The following STK24 variants were observed in gnomAD, a reference collection of about 807,000 sequenced individuals.
STK24 encodes serine/threonine kinase 24.
A neutral mutation model predicts 55.6 loss-of-function variants in STK24; 21 were observed. That is an observed-to-expected ratio of 0.38 (90% CI 0.27 to 0.54). The LOEUF is 0.54. Ranked by LOEUF, STK24 falls within the 20% of genes least tolerant of loss-of-function variation. The pLI, the probability that STK24 is intolerant of heterozygous loss-of-function variation, is 0.79. For synonymous variants in STK24, 200 were observed against 215.2 expected (o/e 0.93, Z 0.62); for missense variants, 383 against 538.4 (o/e 0.71, Z 2.86).
intron 3 of STK24, among the ~76,000 whole-genome samples, 199 bp downstream of exon 3, chr13:98,482,066 C>CA (rs34520150): frequency 0.024 from 2,366 of 99,842 alleles, 35 homozygotes; most frequent in African/African-American, 0.058. Flanking sequence ...GACTCTATCT[C>CA]AAAAAAAAAA....
chr13:98,538,575 ATCT>A (rs1349135610), intron 1 of STK24, among the ~76,000 whole-genome samples: 2 of 152,038 alleles, frequency 1.3e-5, no homozygotes, highest in Admixed American at 6.6e-5. Context: ...CCTTCAACTG[ATCT>A]TCTGCTCCAA....
At chr13:98,527,025 T>C (rs1223613543) in intron 1 of STK24, among the ~76,000 whole-genome samples, 1 of 152,226 alleles carries the variant, frequency 6.6e-6, no homozygotes, top group Non-Finnish European at 1.5e-5. Context: ...CAGTGACATA[T>C]ATCGATACAC....
At chr13:98,503,660 G>A (rs1399272809) in intron 2 of STK24, among the ~76,000 whole-genome samples, 1 of 152,204 alleles carries the variant, frequency 6.6e-6, no homozygotes, top group African/African-American at 2.4e-5. Flanking sequence ...GCCACACTAG[G>A]CAGAGCCTTA....
At chr13:98,459,210 C>T (rs751772794) in intron 9 of STK24, among the ~76,000 whole-genome samples, 4 of 152,222 alleles carry the variant, frequency 2.6e-5, no homozygotes, top group Non-Finnish European at 5.9e-5. Flanking sequence ...AAATGAAGCG[C>T]AGGATGGCGC....
intron 8 of STK24, 44 bp from the exon 9 acceptor site, chr13:98,460,484 T>TCA: frequency 6.5e-7 from 1 of 1,549,106 alleles, no homozygotes; most frequent in East Asian, 2.2e-5. Context: ...CAGTTGACGT[T>TCA]CACATTGGCA....
chr13:98,541,454 T>A (rs1396275961), intron 1 of STK24, among the ~76,000 whole-genome samples: 1 of 152,200 alleles, frequency 6.6e-6, no homozygotes, highest in Non-Finnish European at 1.5e-5. Context: ...GTTTTCCTAA[T>A]GGCAGTATTA....
chr13:98,457,493 G>A (rs748945338), intron 9 of STK24, among the ~76,000 whole-genome samples, 189 bp from the exon 10 acceptor site: 32 of 146,684 alleles, frequency 2.2e-4, no homozygotes, highest in Middle Eastern at 7.0e-3. Context: ...TTTGTGAGAC[G>A]GAGTCTGGCT....
Position 98,485,990 on chromosome 13 carries a change from G to A in STK24, c.274-3669C>T, listed in dbSNP as rs147024616. ...CCTTCCCACAGAAATGGGAGGAAGC[G>A]GAAGAGGAGCAGGGACAGGAACACA... is the stretch of plus-strand genomic sequence containing the variant. On this transcript the variant is annotated intron_variant, in intron 2 of 10. Coordinates refer to ENST00000539966, the MANE Select transcript of STK24 (RefSeq NM_001032296.4). Among the ~76,000 whole-genome samples the A allele has an allele frequency of 5.3e-5, 8 of 152,242 alleles. No individual in the cohort carries two copies. In the East Asian group the frequency reaches 1.4e-3, roughly 26 times the overall value.
At chr13:98,483,726 G>A (rs373762524) in intron 2 of STK24, among the ~76,000 whole-genome samples, 3 of 152,182 alleles carry the variant, frequency 2.0e-5, no homozygotes, top group African/African-American at 4.8e-5. Flanking sequence ...AAGTGCTCAG[G>A]GACAGCGCTG....
At position 98,461,692 on chromosome 13, in the gene STK24, C is replaced by G. The variant is rs555443234; in HGVS notation, c.1053+82G>C. The G allele has an allele frequency of 2.5e-5, 39 of 1,578,002 alleles. No individual in the cohort carries two copies. In the African/African-American group the frequency reaches 4.6e-4, roughly 19 times the overall value. On this transcript the variant is annotated intron_variant, in intron 8 of 10. Transcript: ENST00000539966. ...CTGCCACAAAGGACCCCAGCCGCAC[C>G]CACAGCAAGCTTCACACACAAGTGC...
chr13:98,489,801 G>A (rs1275662668), intron 2 of STK24, among the ~76,000 whole-genome samples: 4 of 152,212 alleles, frequency 2.6e-5, no homozygotes, highest in Non-Finnish European at 2.9e-5. Flanking sequence ...CCAGCTGATG[G>A]TGTTCAAAGT....
chr13:98,523,411 C>A (rs529471211), intron 1 of STK24, among the ~76,000 whole-genome samples: 2 of 152,338 alleles, frequency 1.3e-5, no homozygotes, highest in Admixed American at 6.5e-5. Flanking sequence ...TGGGTCCACA[C>A]CCCTATGAAT....
rs76289575 is a variant in STK24 at position 98,536,016 on chromosome 13, T to C, written c.43-16543A>G. Among the ~76,000 whole-genome samples the C allele has an allele frequency of 1.9e-3, 293 of 152,354 alleles. 6 individuals are homozygous for C. In the East Asian group the frequency reaches 0.052, roughly 27 times the overall value. On this transcript the variant is annotated intron_variant, in intron 1 of 10. Coordinates refer to ENST00000539966, the MANE Select transcript of STK24 (RefSeq NM_001032296.4). ...TTTGGTGTATGCAGATTTCAATTAA[T>C]AACGCATTTCCTTTACCTGAAAATC...
intron 1 of STK24, among the ~76,000 whole-genome samples, chr13:98,567,188 C>T (rs1255223571): frequency 6.6e-6 from 1 of 152,240 alleles, no homozygotes; most frequent in Non-Finnish European, 1.5e-5. Flanking sequence ...TTATGGCCAG[C>T]GCTGTGCAGT....
At chr13:98,497,462 T>C (rs1895289933) in intron 2 of STK24, among the ~76,000 whole-genome samples, 1 of 152,260 alleles carries the variant, frequency 6.6e-6, no homozygotes. Context: ...TTGCCTTCCA[T>C]GTCACAGATA....
At chr13:98,521,273 A>C (rs1012481376) in intron 1 of STK24, among the ~76,000 whole-genome samples, 1 of 146,032 alleles carries the variant, frequency 6.8e-6, no homozygotes, top group Non-Finnish European at 1.5e-5. Flanking sequence ...AGAGGCATTT[A>C]ATTTTTTTCC....
At chr13:98,551,029 G>A (rs1359865798) in intron 1 of STK24, among the ~76,000 whole-genome samples, 3 of 152,130 alleles carry the variant, frequency 2.0e-5, no homozygotes, top group Non-Finnish European at 2.9e-5. Context: ...GCTCACGCCT[G>A]TAATCCCAGC....
chr13:98,522,128 G>A (rs1193890441), intron 1 of STK24: 1 of 1,242,608 alleles, frequency 8.0e-7, no homozygotes, highest in African/African-American at 1.5e-5. Context: ...TCGTGTCTGA[G>A]CCTTGTCAAC....
Position 98,446,056 on chromosome 13 carries a change from C to A in STK24, c.*7117G>T. ...AGCTGCTCTCTGTGCCCTCCTGGGG[C>A]AGGTGCCCGCTGTGCTTCTCACAGG... is the stretch of plus-strand genomic sequence containing the variant. On this transcript the variant is annotated 3_prime_UTR_variant, in exon 11 of 11. Coordinates refer to ENST00000539966, the MANE Select transcript of STK24 (RefSeq NM_001032296.4). The A allele has an allele frequency of 7.4e-7, 1 of 1,348,950 alleles. No individual in the cohort carries two copies. Among genetic ancestry groups the A allele is most frequent in the Non-Finnish European group, 1.1e-6 (1 of 940,208 alleles). The allele number at this position is 1,348,950 out of a possible 1,614,324, so 83.6% of individuals were successfully genotyped here.
Sources: gnomAD v4.1 joint callset for allele counts (sites outside exome capture counted in the v4.1 genomes callset) on GRCh38, gnomAD v4.1.1 for gene constraint, MANE v1.5 for transcripts, NCBI Gene and HGNC (gene_info 2026-07-23, HGNC 2026-07-21) for gene names.